Variants in GATB observed in about 807,000 individuals in gnomAD.
GATB encodes the protein glutamyl-tRNA amidotransferase subunit B.
In GATB, 39 loss-of-function variants were observed where a neutral mutation model predicts 62.3. That is an observed-to-expected ratio of 0.63 (90% CI 0.48 to 0.82). The LOEUF (loss-of-function observed/expected upper bound fraction) is 0.82. GATB is among the 40% of genes least tolerant of loss of function. The pLI is 0.00. For synonymous variants in GATB, 276 were observed against 258.9 expected, an observed-to-expected ratio of 1.07 and a Z score of -0.63; for missense variants, 670 against 684.0, an observed-to-expected ratio of 0.98 and a Z score of 0.23.
chr4:151,717,691 T>C (rs937088274), intron 3 of GATB, among the ~76,000 whole-genome samples: 3 of 152,222 alleles, frequency 2.0e-5, no homozygotes, highest in Non-Finnish European at 4.4e-5. Context: ...AAAGCACTGA[T>C]GGATCCTGCA....
rs545255427 is a variant in GATB at position 151,747,600 on chromosome 4, C to T, written c.327+11172G>A. ...GGTACAGTACTTAAGTTAAAAATCA[C>T]ACTGAGCAGAATAAATAAAAACAAA... is the stretch of plus-strand genomic sequence containing the variant. On this transcript the variant is annotated intron_variant, in intron 2 of 12. Coordinates refer to ENST00000263985, the MANE Select transcript of GATB (RefSeq NM_004564.3). Among the ~76,000 whole-genome samples, 3 of 152,330 alleles carry T rather than the reference C, an allele frequency of 2.0e-5. No individual in the cohort carries two copies. The South Asian group carries it at 6.2e-4, about 32-fold the overall frequency.
intron 2 of GATB, among the ~76,000 whole-genome samples, chr4:151,748,085 T>C (rs1404898981): frequency 6.6e-6 from 1 of 152,246 alleles, no homozygotes; most frequent in Non-Finnish European, 1.5e-5. Context: ...ATGGCCATAC[T>C]GCCCAAGGTA....
chr4:151,675,704 C>A (rs770496080), intron 11 of GATB: 1 of 152,350 alleles, frequency 6.6e-6, no homozygotes, highest in Non-Finnish European at 1.5e-5. Flanking sequence ...CTGCTGCCTA[C>A]CCAAGACAAA....
At chr4:151,750,040 C>T (rs1444947971) in intron 2 of GATB, among the ~76,000 whole-genome samples, 1 of 152,158 alleles carries the variant, frequency 6.6e-6, no homozygotes, top group Admixed American at 6.5e-5. Flanking sequence ...CGCCACCACA[C>T]CCAGCTAATT....
rs1739764325 is a variant in GATB at position 151,753,624 on chromosome 4, T to A, written c.327+5148A>T. ...GATCATATTAATCAAAAGCCTCTCC[T>A]GTCTTTACCCCTTCTTCATTGGCTC... On this transcript the variant is annotated intron_variant, in intron 2 of 12. Transcript: ENST00000263985. 2.6e-5 allele frequency among the ~76,000 whole-genome samples: 4 copies of A among 151,852 alleles called. No homozygotes were observed. The South Asian group carries it at 8.3e-4, about 32-fold the overall frequency.
chr4:151,715,191 T>C (rs778264808), intron 5 of GATB, among the ~76,000 whole-genome samples: 4 of 152,246 alleles, frequency 2.6e-5, no homozygotes, highest in Non-Finnish European at 4.4e-5. Context: ...TACAGTGCTA[T>C]GGAAAAGTAC....
chr4:151,704,277 A>G (rs1000594669), intron 7 of GATB, among the ~76,000 whole-genome samples: 1 of 152,188 alleles, frequency 6.6e-6, no homozygotes, highest in Non-Finnish European at 1.5e-5. Flanking sequence ...TTCCGCCTCT[A>G]GCTTCAGCTG....
intron 2 of GATB, chr4:151,724,264 T>G (rs1739087612): frequency 6.6e-6 from 1 of 152,082 alleles, no homozygotes; most frequent in African/African-American, 2.4e-5. Flanking sequence ...ATTTTTCCCC[T>G]CCTCCTCTTG....
intron 11 of GATB, among the ~76,000 whole-genome samples, chr4:151,676,991 G>A (rs947881451): frequency 2.6e-5 from 4 of 152,150 alleles, no homozygotes; most frequent in East Asian, 1.9e-4. Flanking sequence ...TTTGGAATTC[G>A]GAATTCTGCT....
At chr4:151,756,825 G>C (rs1243166853) in intron 2 of GATB, among the ~76,000 whole-genome samples, 2 of 151,984 alleles carry the variant, frequency 1.3e-5, no homozygotes, top group Non-Finnish European at 2.9e-5. Flanking sequence ...CCAAATTTAG[G>C]TACAGCTGGA....
chr4:151,704,702 C>T (rs1383135938), intron 7 of GATB, among the ~76,000 whole-genome samples: 2 of 147,348 alleles, frequency 1.4e-5, no homozygotes, highest in Non-Finnish European at 3.0e-5. Flanking sequence ...ATCCGCCCGC[C>T]TCGGCCTCCC....
chr4:151,710,874 C>A (rs899667612), intron 5 of GATB, among the ~76,000 whole-genome samples: 3 of 152,148 alleles, frequency 2.0e-5, no homozygotes, highest in South Asian at 2.1e-4. Flanking sequence ...CCAGCCCAGA[C>A]CTCTCTGAGC....
At chr4:151,736,933 G>A (rs1739387750) in intron 2 of GATB, among the ~76,000 whole-genome samples, 1 of 152,204 alleles carries the variant, frequency 6.6e-6, no homozygotes, top group East Asian at 1.9e-4. Flanking sequence ...CCAGCCAGGT[G>A]GAACTGTAAG....
intron 10 of GATB, among the ~76,000 whole-genome samples, chr4:151,684,922 A>C (rs1158196131): frequency 1.3e-5 from 2 of 152,192 alleles, no homozygotes; most frequent in African/African-American, 4.8e-5. Context: ...ATGACTGTTA[A>C]ACCCCTAACT....
intron 2 of GATB, 51 bp from the exon 3 acceptor site, chr4:151,719,589 G>A: frequency 1.6e-6 from 2 of 1,253,536 alleles, no homozygotes; most frequent in Non-Finnish European, 1.1e-6. Flanking sequence ...CTGAACAAAT[G>A]CTTCTCCCAC....
chr4:151,707,488 C>A (rs1738736994), intron 6 of GATB, among the ~76,000 whole-genome samples: 1 of 152,064 alleles, frequency 6.6e-6, no homozygotes, highest in South Asian at 2.1e-4. Flanking sequence ...GAGATGGGGT[C>A]TTGCTATGTT....
chr4:151,683,359 C>T (rs1706523219), intron 10 of GATB, among the ~76,000 whole-genome samples: 1 of 152,190 alleles, frequency 6.6e-6, no homozygotes. Context: ...ACCCTGACTC[C>T]TGGGGCTGCA....
intron 10 of GATB, among the ~76,000 whole-genome samples, chr4:151,683,055 T>C (rs910248275): frequency 2.0e-5 from 3 of 152,118 alleles, no homozygotes; most frequent in Non-Finnish European, 4.4e-5. Flanking sequence ...CCCCACTCTT[T>C]CCACTCCTCC....
At position 151,716,881 on chromosome 4, in the gene GATB, C is replaced by G; in HGVS notation, c.635G>C (p.Arg212Thr). 1 of 1,614,122 alleles carries G rather than the reference C, an allele frequency of 6.2e-7. No homozygotes were observed. Among genetic ancestry groups the G allele is most frequent in the Middle Eastern group, 1.6e-4 (1 of 6,062 alleles). Residue 212 changes from arginine (R) to threonine (T), a missense_variant, in exon 4 of 13, where the codon AGG becomes ACG. Transcript: ENST00000263985. ...TGAAAACACTCCAAGCCTACCTGCCCTGTTCAAATCAATGAGCGTCTGAGA... is the reference window on the plus strand; with the variant it reads ...TGAAAACACTCCAAGCCTACCTGCCGTGTTCAAATCAATGAGCGTCTGAGA... ...LRSQTLIDLN[R>T]AGVGLLEVVL...
Sources: allele counts gnomAD v4.1 joint callset (sites outside exome capture counted in the v4.1 genomes callset), GRCh38; gene constraint gnomAD v4.1.1; transcripts MANE v1.5; gene names NCBI Gene and HGNC (gene_info 2026-07-23, HGNC 2026-07-21).